Variants in FOXP2 observed in about 807,000 individuals in gnomAD.
FOXP2 encodes forkhead box P2.
In FOXP2, 12 loss-of-function variants were observed where a neutral mutation model predicts 115.8. The ratio of observed to expected loss-of-function variants is 0.10; its 90% CI spans 0.07 to 0.17. FOXP2 has a LOEUF of 0.17. Among genes scored for constraint, FOXP2 ranks in the 10% least tolerant of loss-of-function variants. The pLI, the probability that FOXP2 is intolerant of heterozygous loss-of-function variation, is 1.00. For synonymous variants in FOXP2, 328 were observed against 297.7 expected, an observed-to-expected ratio of 1.10 and a Z score of -1.05; for missense variants, 629 against 843.5, an observed-to-expected ratio of 0.75 and a Z score of 3.15.
intron 3 of FOXP2, among the ~76,000 whole-genome samples, chr7:114,620,024 T>TA (rs1804158993): frequency 6.6e-6 from 1 of 152,052 alleles, no homozygotes; most frequent in South Asian, 2.1e-4. Context: ...CTGTCTCTGA[T>TA]ACACTAAATA....
chr7:114,659,178 A>C (rs1350264656), intron 11 of FOXP2, among the ~76,000 whole-genome samples, 178 bp from the exon 12 acceptor site: 2 of 152,148 alleles, frequency 1.3e-5, no homozygotes, highest in African/African-American at 4.8e-5. Context: ...CTTCATTTGC[A>C]CTTCGCGTCA....
chr7:114,445,050 CT>C (rs965437465), intron 2 of FOXP2, among the ~76,000 whole-genome samples: 16 of 148,346 alleles, frequency 1.1e-4, no homozygotes, highest in Admixed American at 4.0e-4. Flanking sequence ...GAGCCAGTGG[CT>C]TTTTTTTTTC....
intron 2 of FOXP2, among the ~76,000 whole-genome samples, chr7:114,349,511 A>T (rs1216639739): frequency 6.6e-6 from 1 of 152,094 alleles, no homozygotes; most frequent in African/African-American, 2.4e-5. Flanking sequence ...TTTATCATTT[A>T]TTCGATATTT....
chr7:114,122,677 C>T (rs1014363196), intron 1 of FOXP2, among the ~76,000 whole-genome samples: 1 of 151,968 alleles, frequency 6.6e-6, no homozygotes, highest in Non-Finnish European at 1.5e-5. Context: ...AAATAAGGTT[C>T]AGGGCTGAAA....
chr7:114,499,009 T>C, intron 2 of FOXP2: 1 of 711,750 alleles, frequency 1.4e-6, no homozygotes, highest in African/African-American at 1.7e-5. Flanking sequence ...CACCGGGAAC[T>C]TGTTAGAAAT....
intron 2 of FOXP2, among the ~76,000 whole-genome samples, chr7:114,313,746 A>G (rs1797203831): frequency 6.7e-6 from 1 of 149,966 alleles, no homozygotes; most frequent in Non-Finnish European, 1.5e-5. Flanking sequence ...CTCCGTCTCA[A>G]AAAAAAAAAA....
chr7:114,551,030 G>A lies in FOXP2; in HGVS notation c.258+16324G>A, dbSNP rs115677494. Among the ~76,000 whole-genome samples, 860 of 152,098 alleles carry A rather than the reference G, an allele frequency of 5.7e-3. 6 individuals carry two copies. The highest frequency in any genetic ancestry group is 0.019 in the African/African-American group (797 of 41,482). ...ATATTCCATACAAGTAGATATTTATGTACTAGAAAGAGAGTTCAGGAGAAT... is the reference window on the plus strand; with the variant it reads ...ATATTCCATACAAGTAGATATTTATATACTAGAAAGAGAGTTCAGGAGAAT... On this transcript the variant is annotated intron_variant, in intron 3 of 16. Transcript: ENST00000350908.
chr7:114,462,237 C>G (rs1442407353), intron 2 of FOXP2, among the ~76,000 whole-genome samples: 3 of 123,256 alleles, frequency 2.4e-5, no homozygotes, highest in Non-Finnish European at 4.9e-5. Flanking sequence ...GCCGAGATTT[C>G]GCCGCTGCAC....
intron 3 of FOXP2, among the ~76,000 whole-genome samples, chr7:114,623,424 A>G (rs1157034649): frequency 2.0e-5 from 3 of 151,926 alleles, no homozygotes; most frequent in Non-Finnish European, 4.4e-5. Flanking sequence ...AAAGAGGGGA[A>G]CTTTAGCTTT....
At chr7:114,341,759 C>A (rs1046619411) in intron 2 of FOXP2, among the ~76,000 whole-genome samples, 7 of 151,274 alleles carry the variant, frequency 4.6e-5, no homozygotes, top group Non-Finnish European at 1.0e-4. Context: ...GCTAACTACA[C>A]CATTTTAAGG....
intron 1 of FOXP2, among the ~76,000 whole-genome samples, chr7:114,122,301 A>G (rs1791586789): frequency 6.6e-6 from 1 of 152,032 alleles, no homozygotes; most frequent in African/African-American, 2.4e-5. Flanking sequence ...TTGATTCCAA[A>G]TATAGTAGAG....
At chr7:114,682,425 A>G (rs117628706) in intron 16 of FOXP2, among the ~76,000 whole-genome samples, 32 of 152,312 alleles carry the variant, frequency 2.1e-4, no homozygotes, top group Middle Eastern at 6.8e-3. Context: ...GAGGATTCAT[A>G]ATGAAGAATT....
intron 1 of FOXP2, among the ~76,000 whole-genome samples, chr7:114,165,114 T>G (rs1792940640): frequency 6.6e-6 from 1 of 152,168 alleles, no homozygotes; most frequent in Non-Finnish European, 1.5e-5. Context: ...TTTTCTGGTA[T>G]GTTGGAAACA....
chr7:114,572,561 T>C (rs1230318732), intron 3 of FOXP2, among the ~76,000 whole-genome samples: 2 of 151,790 alleles, frequency 1.3e-5, no homozygotes, highest in Non-Finnish European at 2.9e-5. Context: ...TTTAACTTAA[T>C]AAAGAAAATT....
At chr7:114,311,322 A>G (rs936354600) in intron 2 of FOXP2, among the ~76,000 whole-genome samples, 2 of 152,162 alleles carry the variant, frequency 1.3e-5, no homozygotes, top group Admixed American at 6.5e-5. Flanking sequence ...TCAGTCTTCC[A>G]TAACTGTTTC....
intron 1 of FOXP2, among the ~76,000 whole-genome samples, chr7:114,200,390 T>C (rs1209292966): frequency 6.6e-6 from 1 of 152,198 alleles, no homozygotes; most frequent in African/African-American, 2.4e-5. Context: ...TTCTGAACCC[T>C]GCATCATATT....
intron 1 of FOXP2, among the ~76,000 whole-genome samples, chr7:114,212,123 A>G (rs1011003390): frequency 1.3e-4 from 4 of 29,846 alleles, no homozygotes; most frequent in Middle Eastern, 0.045. Context: ...ATAAAATAAA[A>G]TATATATATA....
At chr7:114,092,724 C>T (rs1400885404) in intron 1 of FOXP2, among the ~76,000 whole-genome samples, 1 of 151,822 alleles carries the variant, frequency 6.6e-6, no homozygotes, top group Non-Finnish European at 1.5e-5. Flanking sequence ...AAAAAAGATC[C>T]CCAACATCTT....
intron 3 of FOXP2, among the ~76,000 whole-genome samples, chr7:114,542,316 AT>A (rs1799701261): frequency 6.6e-6 from 1 of 152,214 alleles, no homozygotes; most frequent in African/African-American, 2.4e-5. Flanking sequence ...ATTCTAACAT[AT>A]CATTTTACTA....
Sources: allele counts gnomAD v4.1 joint callset (sites outside exome capture counted in the v4.1 genomes callset), GRCh38; gene constraint gnomAD v4.1.1; transcripts MANE v1.5; gene names NCBI Gene and HGNC (gene_info 2026-07-23, HGNC 2026-07-21).